IL1RAPL1: variants seen among roughly 807,000 people sequenced by gnomAD.
IL1RAPL1 encodes the protein interleukin 1 receptor accessory protein like 1.
Under a neutral mutation model 48.4 loss-of-function variants are expected in IL1RAPL1, and 3 were observed. The observed-to-expected ratio is 0.06, with a 90% CI of 0.03 to 0.16. IL1RAPL1 has a LOEUF of 0.16. Ranked by LOEUF, IL1RAPL1 falls within the 10% of genes least tolerant of loss-of-function variation. The probability of loss-of-function intolerance (pLI) is 1.00; values close to 1 mark genes in which losing one functional copy is unlikely to be tolerated. For missense variants in IL1RAPL1, 349 were observed against 530.6 expected (o/e 0.66, Z 3.36); for synonymous variants, 185 against 187.7 (o/e 0.99, Z 0.12).
intron 3 of IL1RAPL1, among the ~76,000 whole-genome samples, chrX:29,371,766 A>G (rs188496157): frequency 4.8e-4 from 54 of 112,409 alleles, no homozygotes; most frequent in Admixed American, 4.5e-3. Context: ...TACAAAAGAC[A>G]TGATTTCATT....
intron 2 of IL1RAPL1, among the ~76,000 whole-genome samples, chrX:29,013,157 A>C (rs1346432247): frequency 1.8e-5 from 2 of 108,725 alleles, no homozygotes; most frequent in African/African-American, 6.7e-5. Context: ...CCACAATGAG[A>C]TACCATCTCA....
At chrX:29,739,560 A>G (rs1928141855) in intron 6 of IL1RAPL1, among the ~76,000 whole-genome samples, 1 of 111,746 alleles carries the variant, frequency 8.9e-6, no homozygotes, top group Admixed American at 9.5e-5. Flanking sequence ...AGTTGCCATA[A>G]AAATATAAAG....
intron 6 of IL1RAPL1, among the ~76,000 whole-genome samples, chrX:29,807,688 A>G (rs1228771587): frequency 9.6e-6 from 1 of 104,156 alleles, no homozygotes; most frequent in Admixed American, 1.0e-4. Flanking sequence ...GATGATTTTG[A>G]TGCATTAAAT....
chrX:28,970,153 A>G (rs1925035330), intron 2 of IL1RAPL1, among the ~76,000 whole-genome samples: 1 of 111,741 alleles, frequency 8.9e-6, no homozygotes, highest in Non-Finnish European at 1.9e-5. Context: ...GGCAACTGCC[A>G]TCACACCCAG....
intron 6 of IL1RAPL1, among the ~76,000 whole-genome samples, chrX:29,791,251 T>G (rs1929624418): frequency 9.0e-6 from 1 of 110,831 alleles, no homozygotes; most frequent in Non-Finnish European, 1.9e-5. Context: ...TCAAAAGAGC[T>G]CCTATCTGAC....
At chrX:29,570,396 T>C (rs767834226) in intron 5 of IL1RAPL1, among the ~76,000 whole-genome samples, 1 of 112,663 alleles carries the variant, frequency 8.9e-6, no homozygotes, top group South Asian at 3.6e-4. Context: ...CATGCTTTCT[T>C]AGAAAAAGAA....
At chrX:29,397,993 T>A (rs184861566) in intron 4 of IL1RAPL1, among the ~76,000 whole-genome samples, 1 of 111,754 alleles carries the variant, frequency 8.9e-6, no homozygotes, top group African/African-American at 3.3e-5. Context: ...TGCAGACTAG[T>A]GAAGTGGTGG....
intron 2 of IL1RAPL1, among the ~76,000 whole-genome samples, chrX:28,873,937 C>T (rs1922297951): frequency 2.9e-5 from 3 of 104,673 alleles, no homozygotes; most frequent in Admixed American, 2.1e-4. Context: ...TGGCTTCTTT[C>T]AGCCACCTTG....
At chrX:28,958,606 T>C (rs768496374) in intron 2 of IL1RAPL1, among the ~76,000 whole-genome samples, 2 of 111,357 alleles carry the variant, frequency 1.8e-5, no homozygotes, top group African/African-American at 6.5e-5. Flanking sequence ...TGAAGGAAGA[T>C]AGTAAAAGTC....
chrX:29,351,732 G>A (rs1418819022), intron 3 of IL1RAPL1, among the ~76,000 whole-genome samples: 2 of 112,092 alleles, frequency 1.8e-5, no homozygotes, highest in Non-Finnish European at 3.8e-5. Flanking sequence ...GATTTTGAAG[G>A]TGATAAAGGC....
At chrX:29,321,246 G>A in intron 3 of IL1RAPL1, among the ~76,000 whole-genome samples, 1 of 111,548 alleles carries the variant, frequency 9.0e-6, no homozygotes, top group East Asian at 2.8e-4. Context: ...CTTTCTAAAA[G>A]GTAGAGAGAG....
At position 29,847,660 on chromosome X, in the gene IL1RAPL1, T is replaced by C. The variant is rs186979437; in HGVS notation, c.779-69804T>C. Reference sequence around the variant, plus strand: ...ATTTTGAATGTGAACAGATTAGCCATAGCAGTAAATTCCATCGCTGAAGAA... The same window carrying C: ...ATTTTGAATGTGAACAGATTAGCCACAGCAGTAAATTCCATCGCTGAAGAA... On this transcript the variant is annotated intron_variant, in intron 6 of 10. Coordinates refer to ENST00000378993, the MANE Select transcript of IL1RAPL1 (RefSeq NM_014271.4). Among the ~76,000 whole-genome samples the C allele has an allele frequency of 1.1e-3, 122 of 111,806 alleles. 1 individual carries two copies. Among genetic ancestry groups the C allele is most frequent in the African/African-American group, 3.8e-3 (116 of 30,858 alleles).
At chrX:29,034,415 A>G (rs1926685507) in intron 2 of IL1RAPL1, among the ~76,000 whole-genome samples, 2 of 111,824 alleles carry the variant, frequency 1.8e-5, no homozygotes. Context: ...ATTAACTAAT[A>G]TTTGTAAAAA....
chrX:29,350,706 C>G (rs1270510835), intron 3 of IL1RAPL1, among the ~76,000 whole-genome samples: 1 of 109,723 alleles, frequency 9.1e-6, no homozygotes, highest in East Asian at 2.9e-4. Flanking sequence ...AGGCTCCCAC[C>G]ACTTGTGACT....
At chrX:28,996,620 T>TTG (rs59015501) in intron 2 of IL1RAPL1, among the ~76,000 whole-genome samples, 2,968 of 108,351 alleles carry the variant, frequency 0.027, 91 homozygotes, top group African/African-American at 0.092. Flanking sequence ...AATTGTTATT[T>TTG]TGTGTGTGTG....
chrX:29,677,965 A>T (rs1038715836), intron 6 of IL1RAPL1, among the ~76,000 whole-genome samples: 1 of 111,508 alleles, frequency 9.0e-6, no homozygotes, highest in South Asian at 3.8e-4. Context: ...ATAACTGCCC[A>T]TGGTGTCACT....
At chrX:28,814,379 GTA>G (rs1375076069) in intron 2 of IL1RAPL1, among the ~76,000 whole-genome samples, 9 of 100,437 alleles carry the variant, frequency 9.0e-5, no homozygotes, top group African/African-American at 2.2e-4. Context: ...GTGTGTGTGT[GTA>G]TGTGTATGTG....
intron 2 of IL1RAPL1, among the ~76,000 whole-genome samples, chrX:29,223,700 G>A (rs1487696000): frequency 3.7e-5 from 4 of 108,492 alleles, no homozygotes; most frequent in Non-Finnish European, 7.6e-5. Context: ...GCATGCCACC[G>A]CACCCGGCTA....
At chrX:28,962,777 C>T (rs1408503202) in intron 2 of IL1RAPL1, among the ~76,000 whole-genome samples, 1 of 110,020 alleles carries the variant, frequency 9.1e-6, no homozygotes, top group Admixed American at 9.8e-5. Context: ...AATACTACAA[C>T]ATTTTATTTA....
Sources: gnomAD v4.1 joint callset for allele counts (sites outside exome capture counted in the v4.1 genomes callset) on GRCh38, gnomAD v4.1.1 for gene constraint, MANE v1.5 for transcripts, NCBI Gene and HGNC (gene_info 2026-07-23, HGNC 2026-07-21) for gene names.